OPHN1: variants seen among roughly 807,000 people sequenced by gnomAD.
OPHN1 encodes oligophrenin 1.
OPHN1 carries 11 observed loss-of-function variants against 60.7 expected under a neutral mutation model. The ratio of observed to expected loss-of-function variants is 0.18; its 90% CI spans 0.11 to 0.30. The LOEUF is 0.30. Among genes scored for constraint, OPHN1 ranks in the 10% least tolerant of loss-of-function variants. The pLI, the probability that OPHN1 is intolerant of heterozygous loss-of-function variation, is 1.00. For synonymous variants in OPHN1, 226 were observed against 222.6 expected, an observed-to-expected ratio of 1.02 and a Z score of -0.14; for missense variants, 449 against 611.0, an observed-to-expected ratio of 0.73 and a Z score of 2.80.
At chrX:68,148,551 C>A (rs769486345) in intron 15 of OPHN1, among the ~76,000 whole-genome samples, 27 of 109,631 alleles carry the variant, frequency 2.5e-4, no homozygotes, top group Non-Finnish European at 4.4e-4. Flanking sequence ...GAGGAAAATG[C>A]AAATAAAATT....
chrX:68,188,451 T>C (rs893592713), intron 15 of OPHN1, among the ~76,000 whole-genome samples: 2 of 112,095 alleles, frequency 1.8e-5, no homozygotes, highest in Admixed American at 9.4e-5. Flanking sequence ...GTATTTAAAG[T>C]AGTAAGTATA....
chrX:68,133,337 C>T, intron 15 of OPHN1: 2 of 657,058 alleles, frequency 3.0e-6, no homozygotes, highest in Non-Finnish European at 5.0e-6. Context: ...TGAGCAAATC[C>T]TCAATACCAA....
chrX:68,333,817 G>A (rs755239131), intron 2 of OPHN1, among the ~76,000 whole-genome samples: 20 of 109,655 alleles, frequency 1.8e-4, no homozygotes, highest in South Asian at 3.9e-4. Context: ...AATAAAACCC[G>A]TGACTTCTGA....
At chrX:68,391,897 C>T (rs987265677) in intron 2 of OPHN1, among the ~76,000 whole-genome samples, 6 of 111,472 alleles carry the variant, frequency 5.4e-5, no homozygotes, top group African/African-American at 1.3e-4. Context: ...AGAGCCTCGA[C>T]GAGGAACCAG....
intron 2 of OPHN1, among the ~76,000 whole-genome samples, chrX:68,351,939 C>G (rs1281837934): frequency 5.5e-4 from 54 of 97,510 alleles, no homozygotes; most frequent in Non-Finnish European, 7.1e-4. Flanking sequence ...TGCAGTGGCG[C>G]GATCTCGGCT....
chrX:68,399,616 C>T (rs970115218), intron 2 of OPHN1, among the ~76,000 whole-genome samples: 3 of 110,515 alleles, frequency 2.7e-5, no homozygotes, highest in African/African-American at 9.9e-5. Context: ...TGCAGTGAGC[C>T]GAGATCGTGC....
At chrX:68,169,092 C>T (rs768258733) in intron 15 of OPHN1, among the ~76,000 whole-genome samples, 6 of 111,450 alleles carry the variant, frequency 5.4e-5, no homozygotes, top group African/African-American at 2.0e-4. Flanking sequence ...GGAACTGGTA[C>T]CATTCCTTCT....
At chrX:68,157,073 A>C (rs1439741823) in intron 15 of OPHN1, among the ~76,000 whole-genome samples, 1 of 112,207 alleles carries the variant, frequency 8.9e-6, no homozygotes, top group Non-Finnish European at 1.9e-5. Context: ...GTTGTGCTGT[A>C]AAGTAACCAT....
At chrX:68,316,270 G>T (rs946626735) in intron 2 of OPHN1, among the ~76,000 whole-genome samples, 1 of 111,550 alleles carries the variant, frequency 9.0e-6, no homozygotes, top group Non-Finnish European at 1.9e-5. Flanking sequence ...TATAAAACTA[G>T]ACAGCAAGGT....
At chrX:68,332,874 C>T (rs183385052) in intron 2 of OPHN1, among the ~76,000 whole-genome samples, 96 of 110,438 alleles carry the variant, frequency 8.7e-4, no homozygotes, top group Non-Finnish European at 7.6e-5. Context: ...TGCCTGTACA[C>T]GAATCTTCAG....
At chrX:68,264,986 G>A (rs1602281279) in intron 5 of OPHN1, among the ~76,000 whole-genome samples, 1 of 112,380 alleles carries the variant, frequency 8.9e-6, no homozygotes, top group Non-Finnish European at 1.9e-5. Context: ...GGGGAGGGGC[G>A]CCCGCCATTG....
intron 23 of OPHN1, among the ~76,000 whole-genome samples, chrX:68,049,833 A>G (rs777806345): frequency 1.2e-3 from 135 of 112,087 alleles, no homozygotes; most frequent in African/African-American, 4.2e-3. Context: ...GTGGAACACT[A>G]ATAACTTCTG....
intron 6 of OPHN1, among the ~76,000 whole-genome samples, chrX:68,218,443 T>G (rs2077629873): frequency 9.6e-6 from 1 of 104,408 alleles, no homozygotes; most frequent in African/African-American, 3.5e-5. Flanking sequence ...ACAAAGATAC[T>G]CCTTGAAAAG....
intron 9 of OPHN1, among the ~76,000 whole-genome samples, chrX:68,208,629 C>T (rs1346272410): frequency 8.9e-6 from 1 of 112,154 alleles, no homozygotes; most frequent in African/African-American, 3.2e-5. Context: ...CTGGCAGAAA[C>T]AGTGCTCATT....
At chrX:68,084,812 G>T (rs757833139) in intron 19 of OPHN1, among the ~76,000 whole-genome samples, 8 of 112,066 alleles carry the variant, frequency 7.1e-5, no homozygotes, top group Non-Finnish European at 1.5e-4. Flanking sequence ...TTTTGCCAAT[G>T]TGGCAGTAGG....
chrX:68,203,101 A>G (rs1176842581), intron 10 of OPHN1, among the ~76,000 whole-genome samples: 2 of 109,988 alleles, frequency 1.8e-5, no homozygotes, highest in East Asian at 5.8e-4. Context: ...TCTACTAAAA[A>G]TACAAAAATT....
chrX:68,133,375 T>C (rs1043860398), intron 15 of OPHN1: 8 of 784,865 alleles, frequency 1.0e-5, no homozygotes, highest in African/African-American at 8.2e-5. Context: ...AATGAATCTT[T>C]TGTGAAATTC....
At chrX:68,145,365 C>T (rs2077259438) in intron 15 of OPHN1, among the ~76,000 whole-genome samples, 1 of 111,678 alleles carries the variant, frequency 9.0e-6, no homozygotes, top group African/African-American at 3.3e-5. Flanking sequence ...GACATAAAGA[C>T]TCATCATTTT....
intron 5 of OPHN1, among the ~76,000 whole-genome samples, chrX:68,239,525 T>C (rs2077770356): frequency 9.0e-6 from 1 of 111,589 alleles, no homozygotes; most frequent in Admixed American, 9.5e-5. Context: ...TTTCTCTTCC[T>C]AGCACTTGCC....
Sources: allele counts gnomAD v4.1 joint callset (sites outside exome capture counted in the v4.1 genomes callset), GRCh38; gene constraint gnomAD v4.1.1; transcripts MANE v1.5; gene names NCBI Gene and HGNC (gene_info 2026-07-23, HGNC 2026-07-21).